Variants in ANGPTL2 observed in about 807,000 individuals in gnomAD.
ANGPTL2 encodes angiopoietin-related protein 2.
ANGPTL2 carries 25 observed loss-of-function variants against 52.8 expected under a neutral mutation model. That is an observed-to-expected ratio of 0.47 (90% CI 0.35 to 0.66). ANGPTL2 has a LOEUF of 0.66. ANGPTL2 is among the 30% of genes least tolerant of loss of function. ANGPTL2 has a pLI of 0.01. For missense variants in ANGPTL2, 546 were observed against 656.9 expected (o/e 0.83, Z 1.84); for synonymous variants, 276 against 277.4 (o/e 1.00, Z 0.05).
chr9:127,088,768 G>C lies in ANGPTL2; in HGVS notation c.*171C>G. The C allele has an allele frequency of 1.4e-6, 1 of 723,320 alleles. No individual in the cohort carries two copies. Among genetic ancestry groups the C allele is most frequent in the South Asian group, 1.8e-5 (1 of 54,384 alleles). 44.8% of individuals were successfully genotyped at this position (723,320 alleles called of 1,614,324 possible). A position where few individuals can be genotyped will look rare whatever the true frequency, so the allele number is the denominator to read the frequency against. The stretch of plus-strand genomic sequence containing the variant: ...GAAAGTAGGAGGGACAGAAAACACC[G>C]TATCGATTCAGTTCCATCATCCGCT... On this transcript the variant is annotated 3_prime_UTR_variant, in exon 5 of 5. Coordinates refer to ENST00000373425, the MANE Select transcript of ANGPTL2 (RefSeq NM_012098.3).
chr9:127,088,967 A>G lies in ANGPTL2; in HGVS notation c.1454T>C (p.Ile485Thr). ...GTGGAAGGTGTTGGGGTTCGGTCGG[A>G]TCATCATCACCACTTTCTTGAGTGA... ...SYSLKKVVMM[I>T]RPNPNTFH The change falls in exon 5 of 5, where the codon ATC becomes ACC. Residue 485 changes from isoleucine (I) to threonine (T), a missense_variant. Transcript: ENST00000373425. The G allele has an allele frequency of 6.2e-7, 1 of 1,614,136 alleles. No individual in the cohort carries two copies. Among genetic ancestry groups the G allele is most frequent in the Non-Finnish European group, 8.5e-7 (1 of 1,180,030 alleles).
At chr9:127,116,521 G>C (rs1438921663) in intron 1 of ANGPTL2, among the ~76,000 whole-genome samples, 1 of 152,208 alleles carries the variant, frequency 6.6e-6, no homozygotes, top group African/African-American at 2.4e-5. Context: ...TCAGAGTCCA[G>C]CTTCTGAGTT....
At chr9:127,107,477 C>T (rs996179177) in intron 2 of ANGPTL2, among the ~76,000 whole-genome samples, 3 of 152,196 alleles carry the variant, frequency 2.0e-5, no homozygotes, top group African/African-American at 7.2e-5. Flanking sequence ...ATATTCTTAA[C>T]ATGGGTAATA....
chr9:127,099,064 G>A (rs914825731), intron 2 of ANGPTL2, among the ~76,000 whole-genome samples: 2 of 152,212 alleles, frequency 1.3e-5, no homozygotes, highest in African/African-American at 4.8e-5. Flanking sequence ...ACGTGCCTGA[G>A]GTGTGGGGGG....
At position 127,108,714 on chromosome 9, in the gene ANGPTL2, C is replaced by CA; in HGVS notation, c.17dup (p.Thr7AspfsTer22). The CA allele has an allele frequency of 6.2e-7, 1 of 1,608,634 alleles. No homozygotes were observed. The highest frequency in any genetic ancestry group is 2.2e-5 in the East Asian group (1 of 44,698). ...CCAGCAGTCCGAGCCACCAGCATGT[C>CA]ACGCACAGTGGCCTCATGGTCCTTG... On this transcript the variant is annotated frameshift_variant, in exon 2 of 5. Transcript: ENST00000373425. LOFTEE classifies it high-confidence loss of function.
chr9:127,115,747 A>G (rs955443176), intron 1 of ANGPTL2, among the ~76,000 whole-genome samples: 2 of 152,226 alleles, frequency 1.3e-5, no homozygotes, highest in Non-Finnish European at 2.9e-5. Context: ...GGTCAGCACA[A>G]GGGTGTGTTT....
intron 2 of ANGPTL2, 54 bp from the exon 3 acceptor site, chr9:127,093,980 C>T (rs1383216586): frequency 4.5e-6 from 7 of 1,570,812 alleles, no homozygotes; most frequent in Admixed American, 1.7e-5. Context: ...CCAGGCCGCA[C>T]CCCCAGCTGC....
intron 2 of ANGPTL2, among the ~76,000 whole-genome samples, chr9:127,102,455 G>C (rs1227907342): frequency 6.6e-6 from 1 of 152,012 alleles, no homozygotes; most frequent in Non-Finnish European, 1.5e-5. Context: ...GATCTCTAGG[G>C]TTTTCTAGAT....
chr9:127,120,793 A>C lies in ANGPTL2; in HGVS notation c.-50+1522T>G, dbSNP rs559636786. Among the ~76,000 whole-genome samples, 12 of 150,660 alleles carry C rather than the reference A, an allele frequency of 8.0e-5. No homozygotes were observed. The East Asian group carries it at 2.4e-3, about 30-fold the overall frequency. Reference sequence around the variant, plus strand: ...CAGTGAGCCGAGATCATGCCACTGCACTCCAGCCTGGGTGACAGAGCGAGA... The same window carrying C: ...CAGTGAGCCGAGATCATGCCACTGCCCTCCAGCCTGGGTGACAGAGCGAGA... On this transcript the variant is annotated intron_variant, in intron 1 of 4. Transcript: ENST00000373425.
In ANGPTL2 at chr9:127,089,251, G is replaced by A. The variant is rs2052153643; in HGVS notation, c.1283-113C>T. ...TCTGGGAGGCATCTGGAGCAAGAAC[G>A]CTTGAAAGGTGGACCCGTCTCCATG... On this transcript the variant is annotated intron_variant, in intron 4 of 4. Transcript: ENST00000373425. The A allele has an allele frequency of 9.6e-6, 11 of 1,141,864 alleles. No individual in the cohort carries two copies. The East Asian group carries it at 1.7e-4, about 18-fold the overall frequency. 70.7% of individuals were successfully genotyped at this position (1,141,864 alleles called of 1,614,324 possible).
At chr9:127,115,324 G>A (rs1424423128) in intron 1 of ANGPTL2, among the ~76,000 whole-genome samples, 1 of 152,160 alleles carries the variant, frequency 6.6e-6, no homozygotes, top group Non-Finnish European at 1.5e-5. Context: ...TGAGCAGCTA[G>A]GATTACAGGT....
At position 127,093,779 on chromosome 9, in the gene ANGPTL2, C is replaced by T. The variant is rs2052771473; in HGVS notation, c.965G>A (p.Arg322His). The change falls in exon 3 of 5, where the codon CGC (arginine) becomes CAC (histidine). Residue 322 changes from arginine (R) to histidine (H), a missense_variant. By Grantham distance (29) the Arg-to-His change is conservative. Coordinates refer to ENST00000373425, the MANE Select transcript of ANGPTL2 (RefSeq NM_012098.3). The part of the protein sequence containing the change: ...DPGGWTVIQR[R>H]LDGSVNFFRN... ...GAAGAAGTTAACAGAGCCATCCAGG[C>T]GTCTCTGGATGACGGTCCAGCCCCC... 6.2e-7 allele frequency: 1 copy of T among 1,614,042 alleles called. No homozygotes were observed. Among genetic ancestry groups the T allele is most frequent in the Non-Finnish European group, 8.5e-7 (1 of 1,180,006 alleles).
chr9:127,097,339 G>A (rs935934200), intron 2 of ANGPTL2, among the ~76,000 whole-genome samples: 2 of 152,210 alleles, frequency 1.3e-5, no homozygotes, highest in Non-Finnish European at 2.9e-5. Context: ...ATCAAATTGT[G>A]TAGAAATGTT....
In ANGPTL2 at chr9:127,108,131, C is replaced by G. The variant is rs1339611693; in HGVS notation, c.601G>C (p.Glu201Gln). The G allele has an allele frequency of 6.2e-7, 1 of 1,613,924 alleles. No homozygotes were observed. The highest frequency in any genetic ancestry group is 8.5e-7 in the Non-Finnish European group (1 of 1,179,924). The part of the protein sequence containing the change: ...HNQSEIIAQL[E>Q]EHCQRVPSAR... ...GAGGGCACCCTCTGGCAGTGCTCCTCAAGCTGCGCGATGATCTCTGATTGG... is the reference window on the plus strand; with the variant it reads ...GAGGGCACCCTCTGGCAGTGCTCCTGAAGCTGCGCGATGATCTCTGATTGG... Residue 201 changes from glutamate (E) to glutamine (Q), a missense_variant, in exon 2 of 5, where the codon GAG becomes CAG. Glu to Gln is a conservative substitution (Grantham distance 29). Transcript: ENST00000373425.
chr9:127,101,442 A>G (rs2053715414), intron 2 of ANGPTL2, among the ~76,000 whole-genome samples: 1 of 152,158 alleles, frequency 6.6e-6, no homozygotes, highest in Non-Finnish European at 1.5e-5. Context: ...TCACTCCATG[A>G]GTCCCTCAAT....
chr9:127,097,235 G>A (rs535825410), intron 2 of ANGPTL2, among the ~76,000 whole-genome samples: 27 of 152,304 alleles, frequency 1.8e-4, no homozygotes, highest in African/African-American at 6.0e-4. Context: ...TTCAACGATT[G>A]TAGTGTCTGT....
chr9:127,100,171 T>C (rs2053572889), intron 2 of ANGPTL2, among the ~76,000 whole-genome samples: 1 of 152,140 alleles, frequency 6.6e-6, no homozygotes, highest in African/African-American at 2.4e-5. Context: ...AGAAATGAGA[T>C]CCAACCATAA....
At chr9:127,113,468 A>T (rs2137324013) in intron 1 of ANGPTL2, among the ~76,000 whole-genome samples, 1 of 149,110 alleles carries the variant, frequency 6.7e-6, no homozygotes. Flanking sequence ...CTTGATATTT[A>T]TTCAACTCAT....
intron 1 of ANGPTL2, among the ~76,000 whole-genome samples, chr9:127,119,393 C>T (rs1322229316): frequency 3.3e-5 from 5 of 152,164 alleles, no homozygotes; most frequent in Non-Finnish European, 7.3e-5. Context: ...GGCAGGGACC[C>T]AGTGACAGTC....
Sources: allele counts gnomAD v4.1 joint callset (sites outside exome capture counted in the v4.1 genomes callset), GRCh38; gene constraint gnomAD v4.1.1; transcripts MANE v1.5; gene names NCBI Gene and HGNC (gene_info 2026-07-23, HGNC 2026-07-21).